DTWD2: variants seen among roughly 807,000 people sequenced by gnomAD.
DTWD2 encodes DTW motif tRNA-uridine aminocarboxypropyltransferase 2, also known as tRNA-uridine aminocarboxypropyltransferase 2.
A neutral mutation model predicts 31.8 loss-of-function variants in DTWD2; 39 were observed. That is an observed-to-expected ratio of 1.22 (90% CI 0.95 to 1.60). The LOEUF (loss-of-function observed/expected upper bound fraction) is 1.60, where lower values mean the gene tolerates loss of function less well. Among genes scored for constraint, DTWD2 ranks in the 40% most tolerant of loss-of-function variants. DTWD2 has a pLI of 0.00. For missense variants in DTWD2, 515 were observed against 381.5 expected, an observed-to-expected ratio of 1.35 and a Z score of -2.92; for synonymous variants, 180 against 142.8, an observed-to-expected ratio of 1.26 and a Z score of -1.86.
chr5:118,953,228 A>T (rs1754505588), intron 1 of DTWD2, among the ~76,000 whole-genome samples: 1 of 152,206 alleles, frequency 6.6e-6, no homozygotes, highest in Non-Finnish European at 1.5e-5. Flanking sequence ...TGTAAAGACC[A>T]CAGTTTGATG....
chr5:118,877,931 C>A (rs1369998221), intron 4 of DTWD2, among the ~76,000 whole-genome samples: 1 of 152,142 alleles, frequency 6.6e-6, no homozygotes, highest in Non-Finnish European at 1.5e-5. Flanking sequence ...CAGAAACCTA[C>A]TCCCATTCAC....
chr5:118,892,866 T>C (rs1029898436), intron 4 of DTWD2, among the ~76,000 whole-genome samples: 3 of 152,114 alleles, frequency 2.0e-5, no homozygotes, highest in African/African-American at 7.2e-5. Context: ...GGGCAAACAT[T>C]AGAAACAATC....
chr5:118,934,436 T>A (rs1561461422), intron 3 of DTWD2, among the ~76,000 whole-genome samples: 1 of 150,722 alleles, frequency 6.6e-6, no homozygotes, highest in African/African-American at 2.5e-5. Context: ...ACACAAAAAA[T>A]AGAAGGAGAT....
chr5:118,956,479 G>A (rs981704998), intron 1 of DTWD2, among the ~76,000 whole-genome samples: 9 of 152,132 alleles, frequency 5.9e-5, no homozygotes, highest in Non-Finnish European at 1.2e-4. Flanking sequence ...AAGGTAATGT[G>A]TATCACTCTG....
chr5:118,908,959 C>G (rs1455404978), intron 4 of DTWD2, among the ~76,000 whole-genome samples: 1 of 152,052 alleles, frequency 6.6e-6, no homozygotes, highest in Non-Finnish European at 1.5e-5. Flanking sequence ...AGCAAAAGCC[C>G]AAAAATAACT....
intron 4 of DTWD2, among the ~76,000 whole-genome samples, chr5:118,866,541 A>C (rs944487868): frequency 1.3e-5 from 2 of 152,198 alleles, no homozygotes; most frequent in Non-Finnish European, 2.9e-5. Context: ...GGAAACACAA[A>C]AGACTTGAAA....
chr5:118,988,169 C>G, intron 1 of DTWD2, 125 bp downstream of exon 1: 1 of 1,209,070 alleles, frequency 8.3e-7, no homozygotes, highest in Non-Finnish European at 1.2e-6. Flanking sequence ...TTCCAACGTG[C>G]ACCCGCCAAC....
chr5:118,847,645 T>A (rs1751889750), intron 5 of DTWD2, among the ~76,000 whole-genome samples: 1 of 151,974 alleles, frequency 6.6e-6, no homozygotes, highest in Non-Finnish European at 1.5e-5. Flanking sequence ...TTTTACATTC[T>A]AAGCAAGGTT....
chr5:118,947,783 T>A (rs188270117), intron 1 of DTWD2, among the ~76,000 whole-genome samples: 11 of 152,296 alleles, frequency 7.2e-5, no homozygotes, highest in Admixed American at 5.9e-4. Context: ...ATTACAGGCA[T>A]GAGCCACCAT....
intron 4 of DTWD2, among the ~76,000 whole-genome samples, chr5:118,862,514 G>A (rs905916584): frequency 2.6e-4 from 40 of 152,028 alleles, no homozygotes; most frequent in African/African-American, 9.4e-4. Flanking sequence ...TCTTTAGTGT[G>A]ATTTAAAACT....
At chr5:118,861,574 AT>A (rs113125374) in intron 4 of DTWD2, among the ~76,000 whole-genome samples, 14 of 151,360 alleles carry the variant, frequency 9.2e-5, no homozygotes, top group East Asian at 5.8e-4. Context: ...AACGAAACTG[AT>A]TTTTTTTTAA....
In DTWD2 at chr5:118,988,384, A is replaced by G; in HGVS notation, c.128T>C (p.Leu43Pro). 1.9e-6 allele frequency: 3 copies of G among 1,586,898 alleles called. No homozygotes were observed. Among genetic ancestry groups the G allele is most frequent in the Non-Finnish European group, 2.6e-6 (3 of 1,169,276 alleles). Residue 43 changes from leucine to proline, a missense_variant, in exon 1 of 6, where the codon CTG becomes CCG. By Grantham distance (98) the Leu-to-Pro change is moderately conservative. Coordinates refer to ENST00000510708, the MANE Select transcript of DTWD2 (RefSeq NM_173666.4). ...ACTGTCGTCGTCCGCCTCTGCGCCCAGGGCAGCCGCCGCCGGCACTGCGCC... is the reference window on the plus strand; with the variant it reads ...ACTGTCGTCGTCCGCCTCTGCGCCCGGGGCAGCCGCCGCCGGCACTGCGCC... ...EGGAVPAAAALGAEADDDSAD... is the reference protein window; with the variant it reads ...EGGAVPAAAAPGAEADDDSAD...
chr5:118,841,208 G>C (rs748004494), intron 5 of DTWD2, 121 bp from the exon 6 acceptor site: 2 of 1,066,658 alleles, frequency 1.9e-6, no homozygotes, highest in Non-Finnish European at 2.7e-6. Flanking sequence ...TTTTAACTAT[G>C]AGAAACACTA....
chr5:118,970,337 G>A (rs1032814688), intron 1 of DTWD2, among the ~76,000 whole-genome samples: 1 of 152,204 alleles, frequency 6.6e-6, no homozygotes, highest in Non-Finnish European at 1.5e-5. Flanking sequence ...TGAGGCACAA[G>A]AATCACTTGA....
At chr5:118,976,365 CA>C (rs372639544) in intron 1 of DTWD2, among the ~76,000 whole-genome samples, 1,518 of 151,776 alleles carry the variant, frequency 0.01, 32 homozygotes, top group African/African-American at 0.035. Context: ...GATAGAGACA[CA>C]AAAAAACCCT....
chr5:118,973,929 A>G (rs1409227466), intron 1 of DTWD2: 9 of 1,597,248 alleles, frequency 5.6e-6, no homozygotes, highest in Non-Finnish European at 7.7e-6. Context: ...GAAAATGGGG[A>G]GCAGGAGGCT....
intron 1 of DTWD2, among the ~76,000 whole-genome samples, chr5:118,987,326 T>C (rs776055595): frequency 1.4e-4 from 22 of 152,172 alleles, no homozygotes; most frequent in Non-Finnish European, 1.5e-5. Flanking sequence ...ATAAAAACAT[T>C]CTACATTCAA....
chr5:118,899,528 G>A (rs973018110), intron 4 of DTWD2, among the ~76,000 whole-genome samples: 2 of 152,040 alleles, frequency 1.3e-5, no homozygotes, highest in Non-Finnish European at 2.9e-5. Flanking sequence ...ATACATAAGC[G>A]TTTTCTGGAA....
chr5:118,886,446 T>C (rs1177614624), intron 4 of DTWD2, among the ~76,000 whole-genome samples: 1 of 152,164 alleles, frequency 6.6e-6, no homozygotes, highest in African/African-American at 2.4e-5. Context: ...AACCTTATAA[T>C]AGCATAACAA....
Sources: gnomAD v4.1 joint callset for allele counts (sites outside exome capture counted in the v4.1 genomes callset) on GRCh38, gnomAD v4.1.1 for gene constraint, MANE v1.5 for transcripts, NCBI Gene and HGNC (gene_info 2026-07-23, HGNC 2026-07-21) for gene names.